The following KCNG2 variants were observed in gnomAD, a reference collection of about 807,000 sequenced individuals.
KCNG2 encodes the protein voltage-gated potassium channel regulatory subunit KCNG2.
KCNG2 carries 7 observed loss-of-function variants against 12.3 expected under a neutral mutation model. That is an observed-to-expected ratio of 0.57 (90% CI 0.32 to 1.07). KCNG2 has a LOEUF of 1.07. Ranked by LOEUF, KCNG2 falls within the 50% of genes least tolerant of loss-of-function variation. KCNG2 has a pLI of 0.04. For synonymous variants in KCNG2, 414 were observed against 351.4 expected, an observed-to-expected ratio of 1.18 and a Z score of -1.99; for missense variants, 703 against 726.0, an observed-to-expected ratio of 0.97 and a Z score of 0.36.
intron 3 of KCNG2, among the ~76,000 whole-genome samples, chr18:79,873,316 G>A (rs937958222): frequency 6.6e-6 from 1 of 151,964 alleles, no homozygotes; most frequent in African/African-American, 2.4e-5. Flanking sequence ...TCAGTTCTGT[G>A]CCCTGCAGGG....
intron 3 of KCNG2, among the ~76,000 whole-genome samples, chr18:79,867,130 G>T (rs1979620933): frequency 7.0e-6 from 1 of 143,334 alleles, no homozygotes; most frequent in South Asian, 2.2e-4. Context: ...TGTGTGCTGA[G>T]AGGTCTGTGT....
chr18:79,840,163 G>A (rs1217936421), intron 1 of KCNG2, among the ~76,000 whole-genome samples: 1 of 152,036 alleles, frequency 6.6e-6, no homozygotes, highest in African/African-American at 2.4e-5. Flanking sequence ...AGTTATAAAG[G>A]AAGAAATAAG....
Position 79,822,999 on chromosome 18 carries a change from C to T in KCNG2, c.-115+24985C>T, listed in dbSNP as rs897832277. 1.3e-5 allele frequency among the ~76,000 whole-genome samples: 2 copies of T among 152,146 alleles called. No individual in the cohort carries two copies. The highest frequency in any genetic ancestry group is 6.5e-5 in the Admixed American group (1 of 15,274). On this transcript the variant is annotated intron_variant, in intron 1 of 3. Coordinates refer to ENST00000316249, the MANE Select transcript of KCNG2 (RefSeq NM_012283.2). This position sits in a 1 kb window ranked among gnomAD's most constrained non-coding sequence, Gnocchi z 4.4. ...TTAGGAGTCACTGCCTCTGGAAGGC[C>T]CTTCCCACCTCCCTCCATGGGGAGA...
At position 79,846,071 on chromosome 18, in the gene KCNG2, A is replaced by G. The variant is rs574181612; in HGVS notation, c.-114-10308A>G. ...GCGCCACTGCACTCCAGCCTGGGCG[A>G]AAGAGTGAGACTCTGTCTTGGCTGG... On this transcript the variant is annotated intron_variant, in intron 1 of 3. Coordinates refer to ENST00000316249, the MANE Select transcript of KCNG2 (RefSeq NM_012283.2). Among the ~76,000 whole-genome samples, 24 of 129,478 alleles carry G rather than the reference A, an allele frequency of 1.9e-4. No individual in the cohort carries two copies. The South Asian group carries it at 5.7e-3, about 31-fold the overall frequency. 84.9% of individuals were successfully genotyped at this position (129,478 alleles called of 152,430 possible).
intron 1 of KCNG2, among the ~76,000 whole-genome samples, chr18:79,831,710 C>G (rs1978296999): frequency 1.5e-5 from 1 of 67,440 alleles, no homozygotes; most frequent in Non-Finnish European, 3.2e-5. Context: ...CAGGAGGGTT[C>G]CCTGCGGACA....
At chr18:79,874,214 C>T (rs1368806368) in intron 3 of KCNG2, among the ~76,000 whole-genome samples, 1 of 152,250 alleles carries the variant, frequency 6.6e-6, no homozygotes, top group African/African-American at 2.4e-5. Context: ...AAAAGCTGTA[C>T]AGCCACCGCC....
chr18:79,864,302 C>A lies in KCNG2; in HGVS notation c.624+11C>A, dbSNP rs1249802846. On this transcript the variant is annotated intron_variant, in intron 3 of 3. Transcript: ENST00000316249. ...GCCGAGGAGGAGCGGGTGAGCGCGGCCGGGGGTGGCGGGGACCGGGCCGGA... is the reference window on the plus strand; with the variant it reads ...GCCGAGGAGGAGCGGGTGAGCGCGGACGGGGGTGGCGGGGACCGGGCCGGA... 3.5e-6 allele frequency: 5 copies of A among 1,412,670 alleles called. No homozygotes were observed. The highest frequency in any genetic ancestry group is 2.1e-5 in the Admixed American group (1 of 48,648). 87.5% of individuals were successfully genotyped at this position (1,412,670 alleles called of 1,614,324 possible).
chr18:79,852,643 G>A (rs955529810), intron 1 of KCNG2, among the ~76,000 whole-genome samples: 78 of 152,260 alleles, frequency 5.1e-4, no homozygotes, highest in Admixed American at 3.9e-3. Flanking sequence ...TTGTCCATGC[G>A]GATGGCGGCT....
At chr18:79,807,766 CTG>C (rs2087462304) in intron 1 of KCNG2, among the ~76,000 whole-genome samples, 2 of 149,670 alleles carry the variant, frequency 1.3e-5, no homozygotes, top group Non-Finnish European at 3.0e-5. Flanking sequence ...AGTCCTCGCC[CTG>C]AGGAGCTGCC....
chr18:79,883,145 T>A (rs1332627003), intron 3 of KCNG2, among the ~76,000 whole-genome samples: 4 of 151,020 alleles, frequency 2.6e-5, no homozygotes, highest in Non-Finnish European at 5.9e-5. Flanking sequence ...ACAGCACGAA[T>A]GGGCTCGCAG....
chr18:79,890,549 T>C (rs1980709964), intron 3 of KCNG2, among the ~76,000 whole-genome samples: 1 of 152,236 alleles, frequency 6.6e-6, no homozygotes, highest in South Asian at 2.1e-4. Context: ...AGCTCGCACT[T>C]ACGAGTGAGA....
At chr18:79,896,229 G>C (rs560741959) in intron 3 of KCNG2, among the ~76,000 whole-genome samples, 1 of 151,546 alleles carries the variant, frequency 6.6e-6, no homozygotes, top group Admixed American at 6.6e-5. Context: ...GCCTCCCAAA[G>C]TGCTGGGATG....
chr18:79,811,195 C>T (rs951765924), intron 1 of KCNG2, among the ~76,000 whole-genome samples: 3 of 152,120 alleles, frequency 2.0e-5, no homozygotes, highest in African/African-American at 7.2e-5. Context: ...TATCAAAATC[C>T]TAGCTGACTT....
intron 1 of KCNG2, among the ~76,000 whole-genome samples, chr18:79,840,085 C>G (rs551119270): frequency 1.3e-5 from 2 of 152,304 alleles, no homozygotes; most frequent in African/African-American, 2.4e-5. Flanking sequence ...TTTCATCACT[C>G]TTATTCAACA....
chr18:79,811,634 A>G (rs1323484035), intron 1 of KCNG2, among the ~76,000 whole-genome samples: 3 of 152,248 alleles, frequency 2.0e-5, no homozygotes, highest in African/African-American at 7.2e-5. Context: ...ACCAACATCA[A>G]GCTGAATCAG....
chr18:79,841,676 T>C (rs1978464025), intron 1 of KCNG2, among the ~76,000 whole-genome samples: 1 of 152,152 alleles, frequency 6.6e-6, no homozygotes, highest in African/African-American at 2.4e-5. Context: ...ATTAAGAACA[T>C]GCAAATTAAA....
intron 1 of KCNG2, among the ~76,000 whole-genome samples, chr18:79,827,775 C>T (rs1978287274): frequency 6.6e-6 from 1 of 152,196 alleles, no homozygotes; most frequent in Non-Finnish European, 1.5e-5. Context: ...CTCCATGTGG[C>T]TCCATAGGAA....
intron 3 of KCNG2, among the ~76,000 whole-genome samples, chr18:79,868,345 G>C (rs534769841): frequency 6.6e-5 from 10 of 151,708 alleles, no homozygotes; most frequent in African/African-American, 2.4e-4. Context: ...CCGTGTCCGA[G>C]CGTCCGGTTA....
At chr18:79,898,141 C>G (rs1981045717) in intron 3 of KCNG2, among the ~76,000 whole-genome samples, 1 of 152,180 alleles carries the variant, frequency 6.6e-6, no homozygotes, top group African/African-American at 2.4e-5. Context: ...TGAGAGTGCC[C>G]TTCGGTGTAA....
Sources: allele counts gnomAD v4.1 joint callset (sites outside exome capture counted in the v4.1 genomes callset), GRCh38; gene constraint gnomAD v4.1.1; non-coding constraint Gnocchi (gnomAD v3.1); transcripts MANE v1.5; gene names NCBI Gene and HGNC (gene_info 2026-07-23, HGNC 2026-07-21).